CASTOR2: variants seen among roughly 807,000 people sequenced by gnomAD.
CASTOR2 encodes the protein GATS protein like 2.
Under a neutral mutation model 31.2 loss-of-function variants are expected in CASTOR2, and 8 were observed. That is an observed-to-expected ratio of 0.26 (90% CI 0.15 to 0.46). The LOEUF is 0.46. CASTOR2 is among the 20% of genes least tolerant of loss of function. The pLI, the probability that CASTOR2 is intolerant of heterozygous loss-of-function variation, is 0.99. For synonymous variants in CASTOR2, 162 were observed against 158.7 expected (o/e 1.02, Z -0.16); for missense variants, 216 against 382.1 (o/e 0.57, Z 3.62).
intron 7 of CASTOR2, among the ~76,000 whole-genome samples, chr7:75,023,518 G>T (rs1805057602): frequency 2.0e-5 from 3 of 148,132 alleles, no homozygotes; most frequent in Non-Finnish European, 4.4e-5. Flanking sequence ...CTGTTGCCCA[G>T]GCTGAAGTGC....
rs1266252662 is a variant in CASTOR2 at position 75,030,044 on chromosome 7, C to T, written c.*5345C>T. Reference sequence around the variant, plus strand: ...GGGAAGGAAGCCAGCCAGGAGCAGCCTGGAGCAGAGGCAGGAGCCTGAGGC... The same window carrying T: ...GGGAAGGAAGCCAGCCAGGAGCAGCTTGGAGCAGAGGCAGGAGCCTGAGGC... On this transcript the variant is annotated 3_prime_UTR_variant, in exon 9 of 9. Transcript: ENST00000616305. Among the ~76,000 whole-genome samples the T allele has an allele frequency of 1.3e-5, 2 of 152,212 alleles. No individual in the cohort carries two copies. Among genetic ancestry groups the T allele is most frequent in the Non-Finnish European group, 2.9e-5 (2 of 68,042 alleles).
intron 1 of CASTOR2, among the ~76,000 whole-genome samples, chr7:74,990,339 G>C (rs1327022020): frequency 6.7e-6 from 1 of 149,574 alleles, no homozygotes; most frequent in Non-Finnish European, 1.5e-5. Context: ...AGTGAGCCGA[G>C]ATTGCGCCAC....
At chr7:74,996,257 A>C (rs1430844535) in intron 1 of CASTOR2, among the ~76,000 whole-genome samples, 1 of 152,002 alleles carries the variant, frequency 6.6e-6, no homozygotes, top group Non-Finnish European at 1.5e-5. Flanking sequence ...CCCCAGGAAC[A>C]CCCAGCCCCA....
chr7:74,984,850 A>G (rs1804026437), intron 1 of CASTOR2, among the ~76,000 whole-genome samples: 2 of 152,142 alleles, frequency 1.3e-5, no homozygotes, highest in African/African-American at 4.8e-5. Flanking sequence ...TTTAAGAGCC[A>G]CTTGGGCACA....
In CASTOR2 at chr7:74,973,302, G is replaced by A. The variant is rs189249008; in HGVS notation, c.113+8204G>A. Among the ~76,000 whole-genome samples, 41 of 149,880 alleles carry A rather than the reference G, an allele frequency of 2.7e-4. 2 individuals carry two copies. The East Asian group carries it at 7.3e-3, about 27-fold the overall frequency. Reference sequence around the variant, plus strand: ...GATAAACCACGTCAAGCACTCTCAAGGGTATCTGGTCCACTAGAAGCTCCA... The same window carrying A: ...GATAAACCACGTCAAGCACTCTCAAAGGTATCTGGTCCACTAGAAGCTCCA... On this transcript the variant is annotated intron_variant, in intron 1 of 8. Transcript: ENST00000616305.
chr7:74,991,068 T>C (rs1388762216), intron 1 of CASTOR2, among the ~76,000 whole-genome samples: 17 of 94,060 alleles, frequency 1.8e-4, no homozygotes, highest in Non-Finnish European at 4.2e-4. Flanking sequence ...AGCAAGACCC[T>C]GTCTGGAAAA....
Position 75,017,120 on chromosome 7 carries a change from C to T in CASTOR2, c.185-478C>T, listed in dbSNP as rs1208550863. Among the ~76,000 whole-genome samples, 7 of 152,306 alleles carry T rather than the reference C, an allele frequency of 4.6e-5. No homozygotes were observed. The East Asian group carries it at 7.7e-4, about 17-fold the overall frequency. ...TGAGCCGAGATCGCGCCACTGCACT[C>T]CAGCCTGGGTGACAGAGCAAGACTC... is the stretch of plus-strand genomic sequence containing the variant. On this transcript the variant is annotated intron_variant, in intron 2 of 8. Coordinates refer to ENST00000616305, the MANE Select transcript of CASTOR2 (RefSeq NM_001145064.3).
chr7:75,023,423 GT>G (rs1471557480), intron 7 of CASTOR2, among the ~76,000 whole-genome samples: 1 of 151,226 alleles, frequency 6.6e-6, no homozygotes, highest in Non-Finnish European at 1.5e-5. Context: ...TGTTTCCACA[GT>G]TGTCCAGACA....
At chr7:75,014,717 C>T (rs1804829104) in intron 2 of CASTOR2, among the ~76,000 whole-genome samples, 1 of 152,190 alleles carries the variant, frequency 6.6e-6, no homozygotes, top group Admixed American at 6.5e-5. Context: ...TGAAATCCTC[C>T]AGCCAGCAGC....
At chr7:75,020,490 A>ATT (rs587738996) in intron 6 of CASTOR2, among the ~76,000 whole-genome samples, 9 of 84,392 alleles carry the variant, frequency 1.1e-4, no homozygotes, top group East Asian at 3.5e-4. Context: ...CTCAGGCGTG[A>ATT]TTTTTTTTTT....
Position 75,028,096 on chromosome 7 carries a change from A to C in CASTOR2, c.*3397A>C. ...GGCAGGTGCCTGGCGGGGGAGGAAG[A>C]GGGCTCTCTATGATGTGGAATTTTT... On this transcript the variant is annotated 3_prime_UTR_variant, in exon 9 of 9. Coordinates refer to ENST00000616305, the MANE Select transcript of CASTOR2 (RefSeq NM_001145064.3). 6.7e-7 allele frequency: 1 copy of C among 1,487,546 alleles called. No homozygotes were observed. Among genetic ancestry groups the C allele is most frequent in the South Asian group, 1.2e-5 (1 of 80,256 alleles). The allele number at this position is 1,487,546 out of a possible 1,614,324, so 92.1% of individuals were successfully genotyped here. A position where few individuals can be genotyped will look rare whatever the true frequency, so the allele number is the denominator to read the frequency against.
At chr7:74,991,785 G>C (rs1412754081) in intron 1 of CASTOR2, among the ~76,000 whole-genome samples, 1 of 152,014 alleles carries the variant, frequency 6.6e-6, no homozygotes, top group Non-Finnish European at 1.5e-5. Flanking sequence ...AACGAGGAGG[G>C]GCCCAGCAGT....
At position 75,002,955 on chromosome 7, in the gene CASTOR2, G is replaced by A. The variant is rs1209386412; in HGVS notation, c.114-5039G>A. Reference sequence around the variant, plus strand: ...TTTAAAAAATTAGCTGGGTGTGGTGGTGTGCACCTGTAATCCCGGGTACTT... The same window carrying A: ...TTTAAAAAATTAGCTGGGTGTGGTGATGTGCACCTGTAATCCCGGGTACTT... On this transcript the variant is annotated intron_variant, in intron 1 of 8. Transcript: ENST00000616305. Among the ~76,000 whole-genome samples the A allele has an allele frequency of 7.9e-5, 12 of 152,100 alleles. 1 individual carries two copies. In the South Asian group the frequency reaches 1.0e-3, roughly 13 times the overall value.
At position 75,026,807 on chromosome 7, in the gene CASTOR2, T is replaced by C. The variant is rs1400011095; in HGVS notation, c.*2108T>C. Among the ~76,000 whole-genome samples, 2 of 152,142 alleles carry C rather than the reference T, an allele frequency of 1.3e-5. No individual in the cohort carries two copies. The highest frequency in any genetic ancestry group is 2.9e-5 in the Non-Finnish European group (2 of 68,030). ...TTCTGACCTTGCAAGGCCTTGATTT[T>C]CCTTTCTGTCATTTCCCCCTGACGG... On this transcript the variant is annotated 3_prime_UTR_variant, in exon 9 of 9. Coordinates refer to ENST00000616305, the MANE Select transcript of CASTOR2 (RefSeq NM_001145064.3).
intron 1 of CASTOR2, among the ~76,000 whole-genome samples, chr7:74,976,886 CAAA>C (rs1554435780): frequency 1.4e-5 from 2 of 138,284 alleles, no homozygotes; most frequent in South Asian, 5.1e-4. Flanking sequence ...TCCCAGGGAT[CAAA>C]AAAGTCAGTT....
chr7:74,988,740 G>A (rs1465739063), intron 1 of CASTOR2, among the ~76,000 whole-genome samples: 1 of 152,116 alleles, frequency 6.6e-6, no homozygotes, highest in Non-Finnish European at 1.5e-5. Context: ...GACCATGACA[G>A]TGATGGTAAC....
intron 1 of CASTOR2, among the ~76,000 whole-genome samples, chr7:74,990,260 T>C (rs1199672531): frequency 1.3e-5 from 2 of 151,816 alleles, no homozygotes; most frequent in Non-Finnish European, 2.9e-5. Flanking sequence ...TGGTAGTGGT[T>C]GCCTGTAGTC....
At chr7:74,992,195 C>T (rs2131931733) in intron 1 of CASTOR2, among the ~76,000 whole-genome samples, 1 of 152,174 alleles carries the variant, frequency 6.6e-6, no homozygotes, top group Non-Finnish European at 1.5e-5. Context: ...AGTTCTGGTC[C>T]TGTCTCGTGC....
intron 2 of CASTOR2, among the ~76,000 whole-genome samples, chr7:75,009,504 G>C (rs1320751190): frequency 1.3e-5 from 2 of 151,050 alleles, no homozygotes; most frequent in East Asian, 3.9e-4. Flanking sequence ...TCCTGACCTC[G>C]TGATCCACCC....
Sources: allele counts gnomAD v4.1 joint callset (sites outside exome capture counted in the v4.1 genomes callset), GRCh38; gene constraint gnomAD v4.1.1; transcripts MANE v1.5; gene names NCBI Gene and HGNC (gene_info 2026-07-23, HGNC 2026-07-21).